Variants in RAB38 observed in about 807,000 individuals in gnomAD.
RAB38 encodes the protein RAB38, member RAS oncogene family.
In RAB38, 15 loss-of-function variants were observed where a neutral mutation model predicts 18.4. The observed-to-expected ratio is 0.82, with a 90% confidence interval of 0.55 to 1.26. The LOEUF is 1.26. Among genes scored for constraint, RAB38 ranks in the 50% most tolerant of loss-of-function variants. The pLI is 0.00. For synonymous variants in RAB38, 101 were observed against 104.4 expected, an observed-to-expected ratio of 0.97 and a Z score of 0.20; for missense variants, 294 against 267.4, an observed-to-expected ratio of 1.10 and a Z score of -0.69.
chr11:87,826,408 T>G, the RAB38 span, among the ~76,000 whole-genome samples: 1 of 152,188 alleles, frequency 6.6e-6, no homozygotes, highest in Non-Finnish European at 1.5e-5. Flanking sequence ...CATGCTGCAC[T>G]TGCTATTTTA....
intron 2 of RAB38, among the ~76,000 whole-genome samples, chr11:88,148,999 C>A (rs1943028046): frequency 6.6e-6 from 1 of 151,786 alleles, no homozygotes; most frequent in Non-Finnish European, 1.5e-5. Context: ...AAGCCAGGAA[C>A]CTGACATATC....
the RAB38 span, among the ~76,000 whole-genome samples, chr11:88,008,019 C>T: frequency 6.6e-6 from 1 of 152,132 alleles, no homozygotes; most frequent in South Asian, 2.1e-4. Context: ...ATAAAATTCA[C>T]ATACAAACAA....
the RAB38 span, among the ~76,000 whole-genome samples, chr11:87,821,499 A>C: frequency 6.6e-6 from 1 of 152,220 alleles, no homozygotes; most frequent in Admixed American, 6.5e-5. Context: ...ATGTAACTGC[A>C]AGAAGCCAAA....
chr11:87,872,960 T>G, the RAB38 span, among the ~76,000 whole-genome samples: 7 of 151,610 alleles, frequency 4.6e-5, no homozygotes, highest in African/African-American at 1.7e-4. Flanking sequence ...TCAACTCATT[T>G]CCACAAATAA....
the RAB38 span, among the ~76,000 whole-genome samples, chr11:87,953,756 T>TAAATGAAAATATCTG: frequency 4.6e-5 from 7 of 152,252 alleles, no homozygotes; most frequent in East Asian, 1.4e-3. Flanking sequence ...GAAACTACTG[T>TAAATGAAAATATCTG]AAATGAAAAT....
At chr11:87,913,337 C>T in the RAB38 span, among the ~76,000 whole-genome samples, 1 of 151,978 alleles carries the variant, frequency 6.6e-6, no homozygotes, top group East Asian at 1.9e-4. Context: ...TTGCTTATTA[C>T]CCCTTGAAGT....
chr11:88,103,472 A>T, the RAB38 span, among the ~76,000 whole-genome samples: 2 of 152,084 alleles, frequency 1.3e-5, no homozygotes, highest in Non-Finnish European at 2.9e-5. Context: ...CCGTTTGTTT[A>T]CAGAAACAAA....
the RAB38 span, among the ~76,000 whole-genome samples, chr11:88,096,416 G>T: frequency 1.3e-5 from 2 of 151,776 alleles, no homozygotes; most frequent in African/African-American, 2.4e-5. Context: ...TGGCTATCCT[G>T]CATAAAATAG....
At chr11:87,955,513 A>G in the RAB38 span, among the ~76,000 whole-genome samples, 1 of 152,176 alleles carries the variant, frequency 6.6e-6, no homozygotes. Context: ...AATAAAAGTT[A>G]AAATTATTTA....
the RAB38 span, among the ~76,000 whole-genome samples, chr11:87,842,811 C>T: frequency 4.0e-4 from 25 of 62,184 alleles, no homozygotes; most frequent in African/African-American, 1.6e-3. Flanking sequence ...CACACACACG[C>T]GCGCGCACAC....
the RAB38 span, among the ~76,000 whole-genome samples, chr11:88,016,598 T>C: frequency 1.3e-5 from 2 of 152,068 alleles, no homozygotes; most frequent in Non-Finnish European, 2.9e-5. Context: ...TCCACCTTCC[T>C]GAGATGCCAC....
chr11:88,049,554 C>T, the RAB38 span, among the ~76,000 whole-genome samples: 12 of 152,268 alleles, frequency 7.9e-5, no homozygotes, highest in South Asian at 1.7e-3. Context: ...GGACTCAGCC[C>T]GCCTGCACCC....
the RAB38 span, among the ~76,000 whole-genome samples, chr11:88,026,091 A>C: frequency 6.6e-6 from 1 of 151,928 alleles, no homozygotes; most frequent in East Asian, 1.9e-4. Context: ...CAGCCTCCTG[A>C]GTAGCTGGGA....
the RAB38 span, among the ~76,000 whole-genome samples, chr11:87,866,265 C>T: frequency 6.6e-6 from 1 of 151,598 alleles, no homozygotes. Context: ...AGATAAGCAG[C>T]AAACAAATAT....
the RAB38 span, among the ~76,000 whole-genome samples, chr11:88,053,228 G>T: frequency 3.0e-5 from 2 of 67,274 alleles, no homozygotes; most frequent in East Asian, 7.0e-4. Context: ...ACATATATAT[G>T]GAATATATAT....
At chr11:87,866,441 C>T in the RAB38 span, among the ~76,000 whole-genome samples, 1 of 151,758 alleles carries the variant, frequency 6.6e-6, no homozygotes, top group East Asian at 2.0e-4. Context: ...ACATGTTTAT[C>T]AGGCACAAAT....
chr11:87,948,525 T>A, the RAB38 span, among the ~76,000 whole-genome samples: 1 of 151,996 alleles, frequency 6.6e-6, no homozygotes, highest in Non-Finnish European at 1.5e-5. Context: ...TGATATTGGC[T>A]GTGGGTTTGT....
the RAB38 span, among the ~76,000 whole-genome samples, chr11:87,891,985 C>G: frequency 5.3e-5 from 8 of 151,796 alleles, no homozygotes; most frequent in Admixed American, 1.3e-4. Context: ...CTTACTTGAG[C>G]CTTTTAATGA....
At chr11:87,954,488 A>C in the RAB38 span, among the ~76,000 whole-genome samples, 1 of 152,202 alleles carries the variant, frequency 6.6e-6, no homozygotes, top group African/African-American at 2.4e-5. Context: ...AAGATTTTCT[A>C]CATATTCAAG....
Sources: allele counts gnomAD v4.1 joint callset (sites outside exome capture counted in the v4.1 genomes callset), GRCh38; gene constraint gnomAD v4.1.1; transcripts MANE v1.5; gene names NCBI Gene and HGNC (gene_info 2026-07-23, HGNC 2026-07-21).